ANAPC1: variants seen among roughly 807,000 people sequenced by gnomAD.
ANAPC1 encodes anaphase promoting complex subunit 1, also known as anaphase-promoting complex subunit 1.
A neutral mutation model predicts 208.0 loss-of-function variants in ANAPC1; 36 were observed. That is an observed-to-expected ratio of 0.17 (90% CI 0.13 to 0.23). The LOEUF is 0.23. Among genes scored for constraint, ANAPC1 ranks in the 10% least tolerant of loss-of-function variants. The probability of loss-of-function intolerance (pLI) is 1.00; values close to 1 mark genes in which losing one functional copy is unlikely to be tolerated. For synonymous variants in ANAPC1, 378 were observed against 695.2 expected (o/e 0.54, Z 7.18); for missense variants, 942 against 2,011.6 (o/e 0.47, Z 10.17).
chr2:111,783,614 A>G (rs539498025), intron 42 of ANAPC1, among the ~76,000 whole-genome samples: 1 of 152,282 alleles, frequency 6.6e-6, no homozygotes, highest in East Asian at 1.9e-4. Flanking sequence ...ATCTTATGTT[A>G]ATATACCAAG....
chr2:111,821,510 T>C, intron 25 of ANAPC1, 57 bp from the exon 26 acceptor site: 1 of 1,425,474 alleles, frequency 7.0e-7, no homozygotes, highest in Non-Finnish European at 9.8e-7. Flanking sequence ...ATGCACTTGC[T>C]GAACATGAGG....
At chr2:111,775,207 A>C (rs1181819879) in intron 46 of ANAPC1, among the ~76,000 whole-genome samples, 1 of 152,208 alleles carries the variant, frequency 6.6e-6, no homozygotes, top group Non-Finnish European at 1.5e-5. Flanking sequence ...TGGAGGTTGC[A>C]GTGAGCTGAG....
In ANAPC1 at chr2:111,767,942, G is replaced by A. The variant is rs539897013; in HGVS notation, c.*1349C>T. On this transcript the variant is annotated 3_prime_UTR_variant, in exon 48 of 48. Transcript: ENST00000341068. Reference sequence around the variant, plus strand: ...CCAGAGAATACCACTTGGCCTCCAGGTGCATGCCTTCCAAGTCTACTCTGC... The same window carrying A: ...CCAGAGAATACCACTTGGCCTCCAGATGCATGCCTTCCAAGTCTACTCTGC... 8.5e-5 allele frequency: 13 copies of A among 152,274 alleles called. No individual in the cohort carries two copies. Among genetic ancestry groups the A allele is most frequent in the Admixed American group, 4.6e-4 (7 of 15,296 alleles). 9.4% of individuals were successfully genotyped at this position (152,274 alleles called of 1,614,324 possible).
chr2:111,788,036 C>T lies in ANAPC1; in HGVS notation c.4799+198G>A, dbSNP rs1471157345. Among the ~76,000 whole-genome samples the T allele has an allele frequency of 2.6e-5, 4 of 151,350 alleles. No individual in the cohort carries two copies. In the East Asian group the frequency reaches 7.7e-4, roughly 29 times the overall value. On this transcript the variant is annotated intron_variant, in intron 39 of 47. Coordinates refer to ENST00000341068, the MANE Select transcript of ANAPC1 (RefSeq NM_022662.4). ...TGAGAATGGTGGAAGACTGGTCAGT[C>T]ATCAGGTGTCCAAAGTTATCCTCTG...
chr2:111,869,470 C>G (rs1343709533), intron 6 of ANAPC1, among the ~76,000 whole-genome samples: 2 of 152,210 alleles, frequency 1.3e-5, no homozygotes, highest in African/African-American at 4.8e-5. Flanking sequence ...GTCTCGAACT[C>G]CTGACCTCAG....
At chr2:111,870,544 C>T (rs1682690628) in intron 6 of ANAPC1, among the ~76,000 whole-genome samples, 1 of 151,990 alleles carries the variant, frequency 6.6e-6, no homozygotes, top group Admixed American at 6.6e-5. Flanking sequence ...TGTCCTTTAC[C>T]CACTTTTTGA....
chr2:111,854,513 G>C (rs1681594848), intron 13 of ANAPC1, among the ~76,000 whole-genome samples: 1 of 152,158 alleles, frequency 6.6e-6, no homozygotes, highest in Non-Finnish European at 1.5e-5. Context: ...CTCAGGTTAT[G>C]AAAGTCCTAG....
Position 111,872,730 on chromosome 2 carries a change from G to A in ANAPC1, c.529-18C>T. On this transcript the variant is annotated intron_variant, in intron 5 of 47. Transcript: ENST00000341068. ...TTTGCAACCTTTCAGGTAAAAGGGT[G>A]GGAAAAGATAGAAGTAAGAGAACCT... is the stretch of plus-strand genomic sequence containing the variant. 1.9e-6 allele frequency: 3 copies of A among 1,577,292 alleles called. No individual in the cohort carries two copies. The highest frequency in any genetic ancestry group is 1.1e-5 in the South Asian group (1 of 89,836).
chr2:111,853,724 T>C (rs895413886), intron 13 of ANAPC1, among the ~76,000 whole-genome samples: 2 of 146,364 alleles, frequency 1.4e-5, no homozygotes, highest in African/African-American at 5.0e-5. Flanking sequence ...AGAAGGTTTC[T>C]TTTTTTTTTT....
intron 21 of ANAPC1, among the ~76,000 whole-genome samples, chr2:111,829,681 G>C (rs1243213386): frequency 1.3e-5 from 2 of 151,588 alleles, no homozygotes; most frequent in African/African-American, 2.4e-5. Flanking sequence ...TTTGCAGCTA[G>C]AGGTAAACAA....
At chr2:111,876,511 A>G (rs1255083203) in intron 3 of ANAPC1, among the ~76,000 whole-genome samples, 1 of 152,236 alleles carries the variant, frequency 6.6e-6, no homozygotes, top group African/African-American at 2.4e-5. Flanking sequence ...AATCTAGTAA[A>G]TAGGCAACTG....
chr2:111,783,013 T>A (rs1196841014), intron 42 of ANAPC1, among the ~76,000 whole-genome samples: 1 of 152,168 alleles, frequency 6.6e-6, no homozygotes, highest in East Asian at 1.9e-4. Flanking sequence ...TTAACTGACA[T>A]GCTACTTTAG....
intron 38 of ANAPC1, among the ~76,000 whole-genome samples, chr2:111,790,299 A>T (rs1162072368): frequency 6.6e-6 from 1 of 152,144 alleles, no homozygotes; most frequent in Non-Finnish European, 1.5e-5. Flanking sequence ...TCCAATATTT[A>T]TATGAAAATG....
intron 28 of ANAPC1, among the ~76,000 whole-genome samples, chr2:111,815,116 C>T (rs1272893824): frequency 5.5e-4 from 77 of 140,180 alleles, no homozygotes; most frequent in Non-Finnish European, 3.0e-4. Context: ...TTTCTTGTCA[C>T]TCATTAAATT....
intron 6 of ANAPC1, among the ~76,000 whole-genome samples, chr2:111,868,718 A>G (rs1394750086): frequency 6.6e-6 from 1 of 152,160 alleles, no homozygotes; most frequent in South Asian, 2.1e-4. Context: ...TTTTTAGTAG[A>G]GACGGGGTTT....
chr2:111,811,018 G>A (rs1435734550), intron 28 of ANAPC1, among the ~76,000 whole-genome samples: 4 of 152,028 alleles, frequency 2.6e-5, no homozygotes, highest in Non-Finnish European at 5.9e-5. Flanking sequence ...GGGAATGTTG[G>A]CCTTGTTCTA....
rs371249301 is a variant in ANAPC1, at chr2:111,880,703, C to T, written c.123G>A (p.Gln41=). The part of the protein sequence containing the change: ...HPNALNLQLR[Q]LQPASELWSS... ...ACCATAATTCAGAAGCTGGCTGCAG[C>T]TGGCGAAGTTGAAGGTTCAAAGCAT... Residue 41 remains glutamine (Q), a synonymous_variant, in exon 2 of 48, where the codon CAG becomes CAA. Transcript: ENST00000341068. 4 of 1,613,766 alleles carry T rather than the reference C, an allele frequency of 2.5e-6. No individual in the cohort carries two copies. The highest frequency in any genetic ancestry group is 3.4e-6 in the Non-Finnish European group (4 of 1,179,876).
intron 39 of ANAPC1, among the ~76,000 whole-genome samples, chr2:111,786,974 C>A (rs1442105410): frequency 6.6e-6 from 1 of 151,454 alleles, no homozygotes; most frequent in Non-Finnish European, 1.5e-5. Flanking sequence ...CGGTGAAACC[C>A]CGTCTCTACT....
intron 6 of ANAPC1, among the ~76,000 whole-genome samples, chr2:111,869,822 G>A (rs1001460170): frequency 1.3e-5 from 2 of 152,168 alleles, no homozygotes; most frequent in African/African-American, 4.8e-5. Context: ...CCTGTGTAGT[G>A]TATGTTGTAT....
Sources: allele counts gnomAD v4.1 joint callset (sites outside exome capture counted in the v4.1 genomes callset), GRCh38; gene constraint gnomAD v4.1.1; transcripts MANE v1.5; gene names NCBI Gene and HGNC (gene_info 2026-07-23, HGNC 2026-07-21).